USP34: variants seen among roughly 807,000 people sequenced by gnomAD.
The protein encoded by USP34 is ubiquitin carboxyl-terminal hydrolase 34.
A neutral mutation model predicts 460.3 loss-of-function variants in USP34; 70 were observed. The ratio of observed to expected loss-of-function variants is 0.15; its 90% confidence interval spans 0.13 to 0.19. The LOEUF (loss-of-function observed/expected upper bound fraction) is 0.19. USP34 is among the 10% of genes least tolerant of loss of function. USP34 has a pLI of 1.00. For missense variants in USP34, 3,985 were observed against 4,236.2 expected, an observed-to-expected ratio of 0.94 and a Z score of 1.65; for synonymous variants, 1,647 against 1,405.3, an observed-to-expected ratio of 1.17 and a Z score of -3.85.
At chr2:61,277,460 C>A (rs1180848684) in intron 41 of USP34, among the ~76,000 whole-genome samples, 1 of 152,052 alleles carries the variant, frequency 6.6e-6, no homozygotes, top group Non-Finnish European at 1.5e-5. Context: ...TGGTCTCGAA[C>A]TCCTGGTTTC....
chr2:61,284,371 C>A (rs1418307224), intron 35 of USP34, among the ~76,000 whole-genome samples: 2 of 152,052 alleles, frequency 1.3e-5, no homozygotes, highest in East Asian at 1.9e-4. Flanking sequence ...GAAAATGTAT[C>A]ATGAGAGAAA....
chr2:61,264,355 C>T (rs1688984611), intron 43 of USP34, among the ~76,000 whole-genome samples: 1 of 152,126 alleles, frequency 6.6e-6, no homozygotes, highest in Non-Finnish European at 1.5e-5. Flanking sequence ...CATGATGAGG[C>T]CAGGCTTGGT....
intron 34 of USP34, among the ~76,000 whole-genome samples, chr2:61,288,252 T>A (rs1044737576): frequency 1.3e-5 from 2 of 152,200 alleles, no homozygotes; most frequent in Non-Finnish European, 2.9e-5. Context: ...ACTTCCCTAA[T>A]GTTCCACAAG....
intron 1 of USP34, among the ~76,000 whole-genome samples, chr2:61,464,358 T>TTC (rs1695700281): frequency 6.6e-6 from 1 of 152,068 alleles, no homozygotes; most frequent in African/African-American, 2.4e-5. Flanking sequence ...AACAGAATTA[T>TTC]TCTGCAAATA....
chr2:61,298,388 A>AAAAAAAAC (rs1289838400), intron 29 of USP34, among the ~76,000 whole-genome samples: 1 of 145,784 alleles, frequency 6.9e-6, no homozygotes, highest in African/African-American at 2.6e-5. Context: ...AAAAAAAAAA[A>AAAAAAAAC]CTAGCTGGGC....
chr2:61,303,271 G>T (rs952835824), intron 27 of USP34, among the ~76,000 whole-genome samples: 9 of 152,006 alleles, frequency 5.9e-5, no homozygotes, highest in African/African-American at 2.2e-4. Context: ...TCTCCATGTT[G>T]GCCAGGCTGG....
chr2:61,211,133 T>C (rs187467899), intron 69 of USP34, among the ~76,000 whole-genome samples: 4 of 152,256 alleles, frequency 2.6e-5, no homozygotes, highest in Admixed American at 1.3e-4. Context: ...TTAGATTGAG[T>C]AGCTTAAGAT....
chr2:61,214,209 G>A lies in USP34; in HGVS notation c.8533C>T (p.Leu2845Phe), dbSNP rs892082586. ...GCTGGCAGCATCCCACGGTTAAAAA[G>A]CACCACATCCTGATCATCATGGTCA... ...LADHDDQDVVLFNRGMLPAYY... is the reference protein window; with the variant it reads ...LADHDDQDVVFFNRGMLPAYY... Residue 2845 changes from leucine (L) to phenylalanine (F), a missense_variant, in exon 68 of 80, where the codon CTT becomes TTT. Leu to Phe is a conservative substitution (Grantham distance 22). Coordinates refer to ENST00000398571, the MANE Select transcript of USP34 (RefSeq NM_014709.4). 2 of 1,614,176 alleles carry A rather than the reference G, an allele frequency of 1.2e-6. No individual in the cohort carries two copies. Among genetic ancestry groups the A allele is most frequent in the South Asian group, 2.2e-5 (2 of 91,086 alleles).
intron 2 of USP34, among the ~76,000 whole-genome samples, chr2:61,412,665 G>A (rs1694074330): frequency 6.6e-6 from 1 of 151,998 alleles, no homozygotes; most frequent in African/African-American, 2.4e-5. Context: ...AAGGTGGGAT[G>A]ACTGCTTGAA....
At chr2:61,220,565 CAATT>C (rs985480083) in intron 66 of USP34, 108 bp from the exon 67 acceptor site, 27 of 1,064,564 alleles carry the variant, frequency 2.5e-5, no homozygotes, top group African/African-American at 3.3e-5. Context: ...ACTTTTTTGA[CAATT>C]AGAGATTAAA....
At chr2:61,254,232 A>C (rs1688661959) in intron 48 of USP34, among the ~76,000 whole-genome samples, 1 of 152,132 alleles carries the variant, frequency 6.6e-6, no homozygotes, top group South Asian at 2.1e-4. Flanking sequence ...TTCTCCTCCC[A>C]GTTTGGGGGT....
chr2:61,344,365 G>A (rs1358162946), intron 15 of USP34, among the ~76,000 whole-genome samples: 9 of 152,056 alleles, frequency 5.9e-5, no homozygotes, highest in African/African-American at 2.2e-4. Flanking sequence ...TAAAAAGTGT[G>A]GTTTTTTACA....
intron 8 of USP34, among the ~76,000 whole-genome samples, chr2:61,373,680 A>G (rs1244678664): frequency 1.3e-5 from 2 of 152,216 alleles, no homozygotes; most frequent in Non-Finnish European, 2.9e-5. Flanking sequence ...ATTCAACAAT[A>G]CAGCTGATTC....
At chr2:61,426,272 G>C (rs919115520) in intron 1 of USP34, among the ~76,000 whole-genome samples, 39 of 152,218 alleles carry the variant, frequency 2.6e-4, no homozygotes, top group African/African-American at 9.2e-4. Context: ...AACACAGCAG[G>C]GTAGAGCACC....
At chr2:61,385,291 T>C (rs1693102422) in intron 5 of USP34, among the ~76,000 whole-genome samples, 1 of 152,296 alleles carries the variant, frequency 6.6e-6, no homozygotes, top group African/African-American at 2.4e-5. Context: ...CCGAAATTCA[T>C]CTATAGATTC....
intron 1 of USP34, among the ~76,000 whole-genome samples, chr2:61,450,118 G>A (rs1291548485): frequency 6.6e-6 from 1 of 151,348 alleles, no homozygotes; most frequent in Non-Finnish European, 1.5e-5. Flanking sequence ...AAGGACTGAA[G>A]TACTGGCATA....
At chr2:61,220,512 TTTAC>T (rs1197363579) in intron 66 of USP34, 55 bp from the exon 67 acceptor site, 6 of 1,488,500 alleles carry the variant, frequency 4.0e-6, no homozygotes, top group African/African-American at 1.4e-5. Flanking sequence ...AGCAATTACT[TTTAC>T]TTACTTTTTG....
chr2:61,424,652 G>T (rs1313481576), intron 1 of USP34, among the ~76,000 whole-genome samples: 2 of 152,206 alleles, frequency 1.3e-5, no homozygotes, highest in East Asian at 1.9e-4. Flanking sequence ...AAGGCAAGAG[G>T]ATCACTTGAG....
intron 3 of USP34, among the ~76,000 whole-genome samples, chr2:61,404,052 T>C (rs1465242080): frequency 8.8e-6 from 1 of 113,090 alleles, no homozygotes; most frequent in Non-Finnish European, 1.9e-5. Flanking sequence ...GGACAGAAAG[T>C]ACAACTTGGA....
Sources: allele counts gnomAD v4.1 joint callset (sites outside exome capture counted in the v4.1 genomes callset), GRCh38; gene constraint gnomAD v4.1.1; transcripts MANE v1.5; gene names NCBI Gene and HGNC (gene_info 2026-07-23, HGNC 2026-07-21).